Variants in CORO2A observed in about 807,000 individuals in gnomAD.
CORO2A encodes the protein coronin 2A.
CORO2A carries 47 observed loss-of-function variants against 62.4 expected under a neutral mutation model. The observed-to-expected ratio is 0.75, with a 90% CI of 0.60 to 0.96. CORO2A has a LOEUF of 0.96. CORO2A is among the 40% of genes least tolerant of loss of function. The pLI, the probability that CORO2A is intolerant of heterozygous loss-of-function variation, is 0.00. For missense variants in CORO2A, 610 were observed against 684.1 expected (o/e 0.89, Z 1.21); for synonymous variants, 273 against 268.9 (o/e 1.02, Z -0.15).
At chr9:98,150,206 C>T (rs780682941) in intron 2 of CORO2A, among the ~76,000 whole-genome samples, 75 of 152,266 alleles carry the variant, frequency 4.9e-4, no homozygotes, top group Admixed American at 4.1e-3. Flanking sequence ...GCTGAGATTG[C>T]AGGTGTTAGC....
At chr9:98,135,393 G>A (rs139891923) in intron 3 of CORO2A, among the ~76,000 whole-genome samples, 139 of 152,282 alleles carry the variant, frequency 9.1e-4, no homozygotes, top group African/African-American at 3.2e-3. Context: ...CAGGCACTAG[G>A]GAGCCGGCGA....
chr9:98,131,570 T>C (rs970593073), intron 6 of CORO2A, among the ~76,000 whole-genome samples: 6 of 152,116 alleles, frequency 3.9e-5, no homozygotes, highest in African/African-American at 1.4e-4. Flanking sequence ...CCTCCCGCCA[T>C]GGCCTTCTGA....
chr9:98,135,038 G>C, intron 3 of CORO2A, 83 bp from the exon 4 acceptor site: 7 of 1,544,072 alleles, frequency 4.5e-6, no homozygotes. Context: ...ATCTGGCAGT[G>C]ACCAGCAGAA....
At chr9:98,187,152 G>A (rs1454380021) in intron 1 of CORO2A, among the ~76,000 whole-genome samples, 1 of 151,902 alleles carries the variant, frequency 6.6e-6, no homozygotes, top group Non-Finnish European at 1.5e-5. Flanking sequence ...GCGTGGTGGT[G>A]GGCGCCTGTA....
intron 10 of CORO2A, among the ~76,000 whole-genome samples, chr9:98,127,711 G>A (rs569373198): frequency 1.2e-4 from 18 of 151,282 alleles, no homozygotes; most frequent in Admixed American, 9.9e-4. Flanking sequence ...CTACTCAGGA[G>A]GCTGAGGCAT....
At chr9:98,165,158 C>T (rs972035211) in intron 1 of CORO2A, among the ~76,000 whole-genome samples, 2 of 152,180 alleles carry the variant, frequency 1.3e-5, no homozygotes, top group African/African-American at 2.4e-5. Context: ...CAGGGTTTCA[C>T]TCTGTTGCCA....
Position 98,129,750 on chromosome 9 carries a change from A to G in CORO2A, c.967+44T>C, listed in dbSNP as rs1233933470. 8 of 1,486,690 alleles carry G rather than the reference A, an allele frequency of 5.4e-6. No individual in the cohort carries two copies. The African/African-American group carries it at 1.1e-4, about 21-fold the overall frequency. 92.1% of individuals were successfully genotyped at this position (1,486,690 alleles called of 1,614,324 possible). A position where few individuals can be genotyped will look rare whatever the true frequency, so the allele number is the denominator to read the frequency against. On this transcript the variant is annotated intron_variant, in intron 8 of 11. Transcript: ENST00000375077. ...CTGATTCTCCCACCTCGGCCTCCCG[A>G]AGTGCTGGGATTACAGGCATGAACT...
At chr9:98,164,304 C>T (rs1827930781) in intron 1 of CORO2A, among the ~76,000 whole-genome samples, 1 of 152,190 alleles carries the variant, frequency 6.6e-6, no homozygotes, top group Admixed American at 6.5e-5. Context: ...TGGGTGGGTC[C>T]CTCACCTGGA....
chr9:98,178,821 A>T (rs561857317), intron 1 of CORO2A, among the ~76,000 whole-genome samples: 2 of 152,366 alleles, frequency 1.3e-5, no homozygotes, highest in South Asian at 4.1e-4. Context: ...ATAGAAGATG[A>T]AGAGAGTCGG....
rs180798870 is a variant in CORO2A, at chr9:98,157,464, T to G, written c.197A>C (p.His66Pro). 6.2e-7 allele frequency: 1 copy of G among 1,614,130 alleles called. No homozygotes were observed. The highest frequency in any genetic ancestry group is 8.5e-7 in the Non-Finnish European group (1 of 1,180,016). The change falls in exon 2 of 12, where the codon CAC becomes CCC. Residue 66 changes from histidine (H) to proline (P), a missense_variant. His to Pro is a moderately conservative substitution (Grantham distance 77, BLOSUM62 -2). Coordinates refer to ENST00000375077, the MANE Select transcript of CORO2A (RefSeq NM_052820.4). ...GGGAFLVIPL[H>P]QTGKLDPHYP... ...TGGGCCTGGGGGTGTCCTTACCTGG[T>G]GCAGGGGGATGACGAGGAAGGCCCC...
intron 2 of CORO2A, among the ~76,000 whole-genome samples, chr9:98,147,716 GAC>G (rs1377160025): frequency 6.6e-6 from 1 of 152,176 alleles, no homozygotes; most frequent in Non-Finnish European, 1.5e-5. Context: ...AAAATAAATT[GAC>G]AGTTTCTTAT....
chr9:98,144,457 T>C (rs1303856731), intron 2 of CORO2A, among the ~76,000 whole-genome samples: 2 of 152,198 alleles, frequency 1.3e-5, no homozygotes, highest in East Asian at 3.9e-4. Flanking sequence ...ATGGTTATCA[T>C]CATCATCATA....
chr9:98,139,059 A>AG (rs1476589670), intron 2 of CORO2A, among the ~76,000 whole-genome samples: 1 of 151,774 alleles, frequency 6.6e-6, no homozygotes, highest in African/African-American at 2.4e-5. Flanking sequence ...AAAAAAAAAA[A>AG]AAAGAAAGAA....
intron 1 of CORO2A, among the ~76,000 whole-genome samples, chr9:98,165,949 A>T (rs911494904): frequency 7.4e-4 from 112 of 152,322 alleles, no homozygotes; most frequent in African/African-American, 2.0e-3. Flanking sequence ...GGTGTAATGG[A>T]TGGGTTGGCA....
chr9:98,128,565 A>G, intron 9 of CORO2A, 42 bp downstream of exon 9: 3 of 1,557,050 alleles, frequency 1.9e-6, no homozygotes, highest in Non-Finnish European at 2.7e-6. Flanking sequence ...TCTCCAGGAC[A>G]GGTTCCCCAC....
At chr9:98,169,178 C>A (rs772976934) in intron 1 of CORO2A, among the ~76,000 whole-genome samples, 6 of 152,190 alleles carry the variant, frequency 3.9e-5, no homozygotes, top group Non-Finnish European at 8.8e-5. Flanking sequence ...TGCAAAGAGT[C>A]CCGTCCTCAG....
intron 2 of CORO2A, among the ~76,000 whole-genome samples, chr9:98,138,212 C>G (rs1024207358): frequency 1.2e-4 from 18 of 151,958 alleles, no homozygotes; most frequent in Non-Finnish European, 2.6e-4. Flanking sequence ...GTCAGGAGTT[C>G]GAGACCAGCC....
intron 11 of CORO2A, 151 bp downstream of exon 11, chr9:98,126,398 A>G (rs943526873): frequency 1.9e-6 from 2 of 1,036,048 alleles, no homozygotes; most frequent in Non-Finnish European, 2.8e-6. Flanking sequence ...TGTTTGTTGA[A>G]TGAATTAACA....
At chr9:98,186,724 T>C (rs1828242407) in intron 1 of CORO2A, among the ~76,000 whole-genome samples, 1 of 152,138 alleles carries the variant, frequency 6.6e-6, no homozygotes, top group South Asian at 2.1e-4. Context: ...CTATAGGTTG[T>C]TATGGGGATT....
Sources: gnomAD v4.1 joint callset for allele counts (sites outside exome capture counted in the v4.1 genomes callset) on GRCh38, gnomAD v4.1.1 for gene constraint, MANE v1.5 for transcripts, NCBI Gene and HGNC (gene_info 2026-07-23, HGNC 2026-07-21) for gene names.